The following KCND2 variants were observed in gnomAD, a reference collection of about 807,000 sequenced individuals.
KCND2 encodes potassium voltage-gated channel subfamily D member 2.
Under a neutral mutation model 54.4 loss-of-function variants are expected in KCND2, and 16 were observed. The observed-to-expected ratio is 0.29, with a 90% CI of 0.20 to 0.45. The LOEUF is 0.45. KCND2 is among the 20% of genes least tolerant of loss of function. The pLI, the probability that KCND2 is intolerant of heterozygous loss-of-function variation, is 1.00. For missense variants in KCND2, 486 were observed against 824.2 expected (o/e 0.59, Z 5.02); for synonymous variants, 317 against 310.7 (o/e 1.02, Z -0.21).
At chr7:120,322,522 T>A (rs2116332207) in intron 1 of KCND2, among the ~76,000 whole-genome samples, 1 of 152,272 alleles carries the variant, frequency 6.6e-6, no homozygotes, top group South Asian at 2.1e-4. Flanking sequence ...AACAAAATTA[T>A]TTCTAGTTAT....
At chr7:120,354,693 G>A (rs1800470965) in intron 1 of KCND2, among the ~76,000 whole-genome samples, 1 of 152,216 alleles carries the variant, frequency 6.6e-6, no homozygotes, top group Non-Finnish European at 1.5e-5. Context: ...CAAGGATGCA[G>A]TGAGCTATGA....
chr7:120,734,750 A>T (rs926024611), intron 2 of KCND2, among the ~76,000 whole-genome samples: 15 of 152,082 alleles, frequency 9.9e-5, no homozygotes, highest in African/African-American at 2.7e-4. Context: ...TTCATTTTTT[A>T]AAAAATATCC....
chr7:120,598,642 T>A (rs1007813472), intron 1 of KCND2, among the ~76,000 whole-genome samples: 1 of 152,092 alleles, frequency 6.6e-6, no homozygotes, highest in Non-Finnish European at 1.5e-5. Flanking sequence ...TTTTTCAGAT[T>A]TTTCACTCAT....
intron 1 of KCND2, among the ~76,000 whole-genome samples, chr7:120,496,626 A>G (rs979276117): frequency 5.3e-5 from 8 of 151,734 alleles, no homozygotes; most frequent in South Asian, 2.1e-4. Flanking sequence ...GAGTTTCACC[A>G]TGTTAGCCAG....
At chr7:120,315,450 G>A (rs191631139) in intron 1 of KCND2, among the ~76,000 whole-genome samples, 24 of 152,246 alleles carry the variant, frequency 1.6e-4, no homozygotes, top group African/African-American at 4.8e-4. Flanking sequence ...CGGAAACAAT[G>A]TAAACCTTGA....
intron 1 of KCND2, among the ~76,000 whole-genome samples, chr7:120,604,528 T>C (rs1048548796): frequency 2.0e-4 from 29 of 146,654 alleles, no homozygotes; most frequent in Admixed American, 1.9e-3. Context: ...ATAATAATAA[T>C]AATAATAATA....
intron 1 of KCND2, among the ~76,000 whole-genome samples, chr7:120,683,623 A>G (rs1240510071): frequency 6.6e-6 from 1 of 152,198 alleles, no homozygotes; most frequent in Non-Finnish European, 1.5e-5. Context: ...AAACATGATT[A>G]TGACATTCTG....
chr7:120,632,589 C>T (rs1486539077), intron 1 of KCND2, among the ~76,000 whole-genome samples: 1 of 152,110 alleles, frequency 6.6e-6, no homozygotes, highest in Non-Finnish European at 1.5e-5. Context: ...TGGACAAAAT[C>T]TCCTACACCA....
intron 1 of KCND2, among the ~76,000 whole-genome samples, chr7:120,373,464 T>C (rs1800792605): frequency 6.6e-6 from 1 of 151,878 alleles, no homozygotes; most frequent in Non-Finnish European, 1.5e-5. Flanking sequence ...TCCTACTCCT[T>C]AGAAATGACT....
chr7:120,523,704 CTGTGTGTGTGTGTGTGTGTGTG>C (rs199762798), intron 1 of KCND2, among the ~76,000 whole-genome samples: 3 of 137,228 alleles, frequency 2.2e-5, no homozygotes, highest in South Asian at 2.4e-4. Flanking sequence ...CACACACACT[CTGTGTGTGTGTGTGTGTGTGTG>C]TGTGTGTGTG....
chr7:120,528,728 C>A (rs2116360210), intron 1 of KCND2, among the ~76,000 whole-genome samples: 1 of 152,244 alleles, frequency 6.6e-6, no homozygotes, highest in South Asian at 2.1e-4. Context: ...CAAAATTTTT[C>A]ATTCCCATTT....
chr7:120,739,961 G>C (rs1792920602), intron 2 of KCND2, among the ~76,000 whole-genome samples: 1 of 151,854 alleles, frequency 6.6e-6, no homozygotes, highest in African/African-American at 2.4e-5. Context: ...ATTGGCAGTT[G>C]GCCTGGTAAA....
At chr7:120,589,969 A>G (rs1356001895) in intron 1 of KCND2, among the ~76,000 whole-genome samples, 2 of 152,146 alleles carry the variant, frequency 1.3e-5, no homozygotes, top group Non-Finnish European at 1.5e-5. Flanking sequence ...TCTTGCTTGT[A>G]TTCCTTAATT....
chr7:120,276,279 AAT>A (rs1480750044), intron 1 of KCND2, among the ~76,000 whole-genome samples: 1 of 152,168 alleles, frequency 6.6e-6, no homozygotes, highest in Non-Finnish European at 1.5e-5. Context: ...AGTATTTTAT[AAT>A]ATATATGCAC....
intron 2 of KCND2, among the ~76,000 whole-genome samples, chr7:120,738,902 C>T (rs1053071824): frequency 1.1e-4 from 17 of 151,566 alleles, no homozygotes; most frequent in South Asian, 2.1e-4. Context: ...TGTGGTGCTC[C>T]GCAAGACCAA....
intron 1 of KCND2, among the ~76,000 whole-genome samples, chr7:120,314,985 C>T (rs1799791944): frequency 6.6e-6 from 1 of 151,776 alleles, no homozygotes; most frequent in African/African-American, 2.4e-5. Flanking sequence ...GCACAGCACA[C>T]ACATGCACAC....
rs1793045276 is a variant in KCND2, at chr7:120,749,381, C to G, written c.*1523C>G. The G allele has an allele frequency of 6.6e-6, 1 of 152,060 alleles. No homozygotes were observed. Among genetic ancestry groups the G allele is most frequent in the Admixed American group, 6.6e-5 (1 of 15,216 alleles). The allele number at this position is 152,060 out of a possible 1,614,324, so 9.4% of individuals were successfully genotyped here. A position where few individuals can be genotyped will look rare whatever the true frequency, so the allele number is the denominator to read the frequency against. ...GTGAAAAGTCTTTATAACTTTTCAC[C>G]CTTAAAATATTTCAGCAGACATGTC... is the stretch of plus-strand genomic sequence containing the variant. On this transcript the variant is annotated 3_prime_UTR_variant, in exon 6 of 6. Transcript: ENST00000331113.
chr7:120,667,584 G>A (rs1791944027), intron 1 of KCND2, among the ~76,000 whole-genome samples: 2 of 151,944 alleles, frequency 1.3e-5, no homozygotes, highest in Non-Finnish European at 2.9e-5. Flanking sequence ...AGATTAATGA[G>A]CCCCCAGCCC....
intron 1 of KCND2, among the ~76,000 whole-genome samples, chr7:120,356,870 T>C (rs759754345): frequency 6.6e-6 from 1 of 152,142 alleles, no homozygotes; most frequent in Non-Finnish European, 1.5e-5. Context: ...TTCTCTCTCT[T>C]GTCTTATTAT....
Sources: allele counts gnomAD v4.1 joint callset (sites outside exome capture counted in the v4.1 genomes callset), GRCh38; gene constraint gnomAD v4.1.1; transcripts MANE v1.5; gene names NCBI Gene and HGNC (gene_info 2026-07-23, HGNC 2026-07-21).